The following IL1RAPL2 variants were observed in gnomAD, a reference collection of about 807,000 sequenced individuals.
The protein encoded by IL1RAPL2 is X-linked interleukin-1 receptor accessory protein-like 2.
IL1RAPL2 carries 3 observed loss-of-function variants against 44.1 expected under a neutral mutation model. The observed-to-expected ratio is 0.07, with a 90% CI of 0.03 to 0.18. The LOEUF is 0.18. Among genes scored for constraint, IL1RAPL2 ranks in the 10% least tolerant of loss-of-function variants. The pLI, the probability that IL1RAPL2 is intolerant of heterozygous loss-of-function variation, is 1.00. For missense variants in IL1RAPL2, 391 were observed against 496.4 expected (o/e 0.79, Z 2.02); for synonymous variants, 181 against 178.8 (o/e 1.01, Z -0.10).
chrX:104,893,378 A>G (rs1407017642), intron 2 of IL1RAPL2, among the ~76,000 whole-genome samples: 2 of 110,716 alleles, frequency 1.8e-5, no homozygotes, highest in African/African-American at 3.3e-5. Context: ...TCTAATATTG[A>G]CAGTGGGGTG....
intron 6 of IL1RAPL2, among the ~76,000 whole-genome samples, chrX:105,664,730 A>G (rs956090473): frequency 8.9e-6 from 1 of 111,931 alleles, no homozygotes; most frequent in Non-Finnish European, 1.9e-5. Flanking sequence ...GGCTGATTAC[A>G]TACAATACTC....
chrX:104,601,347 A>T (rs937181760), intron 1 of IL1RAPL2, among the ~76,000 whole-genome samples: 2 of 109,521 alleles, frequency 1.8e-5, no homozygotes, highest in Admixed American at 9.8e-5. Context: ...CCATTGTTCA[A>T]TTCCCACCTA....
chrX:105,236,855 T>C (rs2034124232), intron 4 of IL1RAPL2, among the ~76,000 whole-genome samples: 1 of 111,879 alleles, frequency 8.9e-6, no homozygotes, highest in African/African-American at 3.2e-5. Context: ...TTTTATTTTT[T>C]ATTATTATAC....
At chrX:104,897,772 T>C (rs1284908935) in intron 2 of IL1RAPL2, among the ~76,000 whole-genome samples, 2 of 112,175 alleles carry the variant, frequency 1.8e-5, no homozygotes, top group Non-Finnish European at 3.8e-5. Flanking sequence ...GTGACCTTGA[T>C]ATTAGAATCA....
chrX:104,979,293 A>G (rs191469040), intron 2 of IL1RAPL2, among the ~76,000 whole-genome samples: 15 of 111,763 alleles, frequency 1.3e-4, no homozygotes, highest in African/African-American at 4.2e-4. Flanking sequence ...AATTAATTCC[A>G]GAAAGCCCAT....
chrX:105,261,811 T>C (rs1434151629), intron 4 of IL1RAPL2, among the ~76,000 whole-genome samples: 4 of 111,323 alleles, frequency 3.6e-5, no homozygotes, highest in Non-Finnish European at 7.5e-5. Context: ...GGAGTCCTAA[T>C]TGATGTGTTG....
At chrX:105,097,355 C>G (rs1401427062) in intron 2 of IL1RAPL2, among the ~76,000 whole-genome samples, 1 of 75,864 alleles carries the variant, frequency 1.3e-5, no homozygotes, top group Non-Finnish European at 2.4e-5. Flanking sequence ...AAAAAAAAAA[C>G]ATGCCAGGGC....
chrX:105,074,291 A>T (rs1180772465), intron 2 of IL1RAPL2, among the ~76,000 whole-genome samples: 1 of 111,947 alleles, frequency 8.9e-6, no homozygotes, highest in Non-Finnish European at 1.9e-5. Flanking sequence ...CCATTTATTA[A>T]ATAGGGGATC....
At chrX:105,376,625 C>T (rs559869363) in intron 5 of IL1RAPL2, among the ~76,000 whole-genome samples, 1 of 111,581 alleles carries the variant, frequency 9.0e-6, no homozygotes, top group Admixed American at 9.6e-5. Flanking sequence ...CTAAAAGAGC[C>T]ACTGAGTTCC....
In IL1RAPL2 at chrX:105,139,133, A is replaced by G. The variant is rs1275606851; in HGVS notation, c.83-56342A>G. 1.3e-4 allele frequency among the ~76,000 whole-genome samples: 14 copies of G among 111,929 alleles called. No homozygotes were observed. In the Admixed American group the frequency reaches 1.3e-3, roughly 11 times the overall value. On this transcript the variant is annotated intron_variant, in intron 2 of 10. Coordinates refer to ENST00000372582, the MANE Select transcript of IL1RAPL2 (RefSeq NM_017416.2). ...AGCACTTCCGCCTGCTCCTTCTCCC[A>G]GCATTCACATGTATTATCTCATCTA...
At chrX:105,474,865 A>T (rs7892022) in intron 5 of IL1RAPL2, among the ~76,000 whole-genome samples, 9,532 of 109,958 alleles carry the variant, frequency 0.087, 1,036 homozygotes, top group African/African-American at 0.3. Context: ...TTGAACACAC[A>T]CACAAAAAAA....
At chrX:105,696,712 T>G (rs2038079366) in intron 6 of IL1RAPL2, among the ~76,000 whole-genome samples, 1 of 111,100 alleles carries the variant, frequency 9.0e-6, no homozygotes, top group African/African-American at 3.3e-5. Flanking sequence ...AGGGCTCACC[T>G]TAAGGATAAC....
At chrX:104,770,223 C>G (rs141629687) in intron 2 of IL1RAPL2, among the ~76,000 whole-genome samples, 155 of 111,276 alleles carry the variant, frequency 1.4e-3, no homozygotes, top group African/African-American at 4.9e-3. Context: ...TTTCCACATT[C>G]CAAGCCATGT....
chrX:105,039,889 T>C (rs1279927404), intron 2 of IL1RAPL2, among the ~76,000 whole-genome samples: 1 of 111,010 alleles, frequency 9.0e-6, no homozygotes, highest in Non-Finnish European at 1.9e-5. Context: ...TCCTGCCTAA[T>C]TGCCCTGGCC....
At chrX:105,146,650 C>T (rs2033182219) in intron 2 of IL1RAPL2, among the ~76,000 whole-genome samples, 1 of 111,305 alleles carries the variant, frequency 9.0e-6, no homozygotes. Context: ...TCTTACCAAA[C>T]CAAATTTGCA....
At chrX:104,946,249 T>C (rs1284140154) in intron 2 of IL1RAPL2, among the ~76,000 whole-genome samples, 2 of 99,355 alleles carry the variant, frequency 2.0e-5, no homozygotes, top group African/African-American at 7.3e-5. Context: ...GGCGGGCGCC[T>C]GTAGTCCCAG....
intron 2 of IL1RAPL2, among the ~76,000 whole-genome samples, chrX:104,910,078 G>A (rs956041835): frequency 3.6e-5 from 4 of 112,381 alleles, no homozygotes; most frequent in South Asian, 3.7e-4. Flanking sequence ...TAAGCCTGTC[G>A]GAAAAGCGCA....
Position 104,751,794 on chromosome X carries a change from G to A in IL1RAPL2, c.82+92799G>A, listed in dbSNP as rs558057617. On this transcript the variant is annotated intron_variant, in intron 2 of 10. Transcript: ENST00000372582. ...AGCATAAGATATATTATAATCTTAT[G>A]GATGCTTGTGAACTGACCCCAGGAG... Among the ~76,000 whole-genome samples, 24 of 111,142 alleles carry A rather than the reference G, an allele frequency of 2.2e-4. No individual in the cohort carries two copies. The South Asian group carries it at 5.7e-3, about 27-fold the overall frequency.
At chrX:105,543,450 A>G (rs2036761958) in intron 6 of IL1RAPL2, among the ~76,000 whole-genome samples, 1 of 112,292 alleles carries the variant, frequency 8.9e-6, no homozygotes, top group South Asian at 3.7e-4. Context: ...TCATCCATTC[A>G]TAGAACATTG....
Sources: gnomAD v4.1 joint callset for allele counts (sites outside exome capture counted in the v4.1 genomes callset) on GRCh38, gnomAD v4.1.1 for gene constraint, MANE v1.5 for transcripts, NCBI Gene and HGNC (gene_info 2026-07-23, HGNC 2026-07-21) for gene names.